Variants in SLMAP observed in about 807,000 individuals in gnomAD.
SLMAP encodes the protein sarcolemmal membrane-associated protein.
Under a neutral mutation model 128.8 loss-of-function variants are expected in SLMAP, and 44 were observed. That is an observed-to-expected ratio of 0.34 (90% CI 0.27 to 0.44). SLMAP has a LOEUF of 0.44. SLMAP is among the 20% of genes least tolerant of loss of function. The probability of loss-of-function intolerance (pLI) is 1.00; values close to 1 mark genes in which losing one functional copy is unlikely to be tolerated. For missense variants in SLMAP, 787 were observed against 985.3 expected (o/e 0.80, Z 2.69); for synonymous variants, 327 against 348.8 (o/e 0.94, Z 0.70).
At chr3:57,791,153 C>G (rs1040271227) in intron 2 of SLMAP, among the ~76,000 whole-genome samples, 7 of 152,060 alleles carry the variant, frequency 4.6e-5, no homozygotes, top group Non-Finnish European at 1.0e-4. Flanking sequence ...GTCAGGAGTT[C>G]AAGGCCAGCC....
At chr3:57,884,354 A>G (rs904232925) in intron 14 of SLMAP, among the ~76,000 whole-genome samples, 3 of 152,238 alleles carry the variant, frequency 2.0e-5, no homozygotes, top group Admixed American at 2.0e-4. Flanking sequence ...GATATGTCTG[A>G]GGGGGTAGGT....
chr3:57,828,811 A>C (rs1292560645), intron 2 of SLMAP, among the ~76,000 whole-genome samples: 3 of 152,182 alleles, frequency 2.0e-5, no homozygotes, highest in African/African-American at 7.2e-5. Flanking sequence ...ACAGGAGTTC[A>C]TGCTGTTGCT....
At chr3:57,900,858 T>C (rs1354775428) in intron 17 of SLMAP, 1 of 152,040 alleles carries the variant, frequency 6.6e-6, no homozygotes, top group Non-Finnish European at 1.5e-5. Context: ...TCAAGGCAAA[T>C]TAGTGATAGT....
At chr3:57,855,860 A>AT (rs2094758815) in intron 6 of SLMAP, among the ~76,000 whole-genome samples, 1 of 152,108 alleles carries the variant, frequency 6.6e-6, no homozygotes, top group African/African-American at 2.4e-5. Flanking sequence ...CCTGTCCAAC[A>AT]TGGTAAAACG....
chr3:57,849,886 A>C (rs1367189761), intron 6 of SLMAP, 70 bp downstream of exon 6: 1 of 890,442 alleles, frequency 1.1e-6, no homozygotes, highest in Admixed American at 1.7e-5. Flanking sequence ...TTAAAAGCAG[A>C]ATTAGGGCCA....
chr3:57,912,263 T>C, intron 19 of SLMAP, 118 bp from the exon 20 acceptor site: 1 of 813,468 alleles, frequency 1.2e-6, no homozygotes, highest in Non-Finnish European at 2.0e-6. Flanking sequence ...GTGGATTGTT[T>C]ATACACTTTA....
At chr3:57,762,658 T>G (rs1327314694) in intron 2 of SLMAP, among the ~76,000 whole-genome samples, 1 of 151,782 alleles carries the variant, frequency 6.6e-6, no homozygotes, top group Non-Finnish European at 1.5e-5. Context: ...GTATTATCCT[T>G]CATCCTTTTC....
chr3:57,841,099 C>T (rs529965432), intron 3 of SLMAP, among the ~76,000 whole-genome samples, 200 bp from the exon 4 acceptor site: 27 of 152,102 alleles, frequency 1.8e-4, no homozygotes, highest in Admixed American at 3.3e-4. Flanking sequence ...ATGATTCTAT[C>T]CTTATTTCTA....
chr3:57,904,130 G>A (rs1477157301), intron 17 of SLMAP, among the ~76,000 whole-genome samples: 1,924 of 152,270 alleles, frequency 0.013, 28 homozygotes, highest in African/African-American at 0.044. Flanking sequence ...TTTGAATATA[G>A]TCAGATTATT....
chr3:57,821,500 G>C (rs1560112331), intron 2 of SLMAP, among the ~76,000 whole-genome samples: 1 of 152,132 alleles, frequency 6.6e-6, no homozygotes, highest in Non-Finnish European at 1.5e-5. Flanking sequence ...AAAAATTCCA[G>C]CCTCAGAAAT....
chr3:57,860,717 T>G lies in SLMAP; in HGVS notation c.706T>G (p.Leu236Val). The G allele has an allele frequency of 6.4e-7, 1 of 1,567,152 alleles. No individual in the cohort carries two copies. Among genetic ancestry groups the G allele is most frequent in the Non-Finnish European group, 8.6e-7 (1 of 1,164,528 alleles). Residue 236 changes from leucine to valine, a missense_variant, in exon 9 of 25, where the codon TTA (leucine) becomes GTA (valine). Transcript: ENST00000671191. ...ATTGTAGAATCAAACAGAAGATAGT[T>G]TACGAAAGGAACTTATAGCATTACA... is the stretch of plus-strand genomic sequence containing the variant. ...ACSKNQTEDS[L>V]RKELIALQED...
At position 57,907,780 on chromosome 3, in the gene SLMAP, A is replaced by G. The variant is rs9864975; in HGVS notation, c.1502-104A>G. 294,197 of 1,062,826 alleles carry G rather than the reference A, an allele frequency of 0.28. 43,324 individuals carry two copies. The highest frequency in any genetic ancestry group is 0.5 in the East Asian group (18,796 of 37,442). 65.8% of individuals were successfully genotyped at this position (1,062,826 alleles called of 1,614,324 possible). A position where few individuals can be genotyped will look rare whatever the true frequency, so the allele number is the denominator to read the frequency against. On this transcript the variant is annotated intron_variant, in intron 17 of 24. Transcript: ENST00000671191. ...AAGTTTTATTTAACTCAGTTGTTCT[A>G]TGTTGTTTATGCATGTGCAAACATG...
rs182924036 is a variant in SLMAP at position 57,891,490 on chromosome 3, C to T, written c.1360+1390C>T. Among the ~76,000 whole-genome samples the T allele has an allele frequency of 2.3e-3, 356 of 152,072 alleles. 1 individual carries two copies. The highest frequency in any genetic ancestry group is 7.9e-3 in the African/African-American group (326 of 41,490). On this transcript the variant is annotated intron_variant, in intron 15 of 24. Transcript: ENST00000671191. ...TTAAATATTTATCTTTGTATGATTT[C>T]CTTTTAAACCTGGCTATAAACTGTT...
At chr3:57,864,484 C>T (rs1577966672) in intron 10 of SLMAP, 64 bp from the exon 11 acceptor site, 4 of 1,128,792 alleles carry the variant, frequency 3.5e-6, no homozygotes, top group East Asian at 5.1e-5. Context: ...TAAAGGCATT[C>T]CTGGGGCTCG....
intron 14 of SLMAP, among the ~76,000 whole-genome samples, chr3:57,879,117 C>CA (rs1224331520): frequency 6.6e-6 from 1 of 152,208 alleles, no homozygotes; most frequent in Non-Finnish European, 1.5e-5. Flanking sequence ...TTTGGCCTTT[C>CA]AAAGCATTGA....
At chr3:57,925,770 C>T in intron 23 of SLMAP, 75 bp from the exon 24 acceptor site, 1 of 990,610 alleles carries the variant, frequency 1.0e-6, no homozygotes, top group Non-Finnish European at 1.6e-6. Context: ...ACCTCCCACC[C>T]TACTGGGGTC....
chr3:57,872,852 T>C (rs1343219101), intron 14 of SLMAP, among the ~76,000 whole-genome samples: 1 of 152,228 alleles, frequency 6.6e-6, no homozygotes, highest in Admixed American at 6.5e-5. Flanking sequence ...AAGCAAATAC[T>C]TTCTCAGGCA....
At chr3:57,906,310 C>CTTTTTTTTCTTTTTTTTTT (rs2096550422) in intron 17 of SLMAP, among the ~76,000 whole-genome samples, 1 of 47,048 alleles carries the variant, frequency 2.1e-5, no homozygotes, top group African/African-American at 7.1e-5. Context: ...CTTTTTTTTT[C>CTTTTTTTTCTTTTTTTTTT]TTTTTTTTTT....
chr3:57,763,187 A>G (rs2079026877), intron 2 of SLMAP, among the ~76,000 whole-genome samples: 1 of 151,976 alleles, frequency 6.6e-6, no homozygotes, highest in Non-Finnish European at 1.5e-5. Flanking sequence ...TGGTTGACAT[A>G]GTAGTCTATT....
Sources: allele counts gnomAD v4.1 joint callset (sites outside exome capture counted in the v4.1 genomes callset), GRCh38; gene constraint gnomAD v4.1.1; transcripts MANE v1.5; gene names NCBI Gene and HGNC (gene_info 2026-07-23, HGNC 2026-07-21).